The following DUS2 variants were observed in gnomAD, a reference collection of about 807,000 sequenced individuals.
DUS2 encodes dihydrouridine synthase 2.
Under a neutral mutation model 71.3 loss-of-function variants are expected in DUS2, and 52 were observed. The observed-to-expected ratio is 0.73, with a 90% CI of 0.58 to 0.92. DUS2 has a LOEUF of 0.92. Ranked by LOEUF, DUS2 falls within the 40% of genes least tolerant of loss-of-function variation. The pLI is 0.00. For missense variants in DUS2, 558 were observed against 622.6 expected (o/e 0.90, Z 1.10); for synonymous variants, 204 against 227.8 (o/e 0.90, Z 0.94).
chr16:68,038,191 C>G, intron 3 of DUS2, 42 bp downstream of exon 3: 1 of 1,608,744 alleles, frequency 6.2e-7, no homozygotes, highest in Non-Finnish European at 8.5e-7. Context: ...TCCACAAGTA[C>G]AGACTCCTCT....
intron 3 of DUS2, among the ~76,000 whole-genome samples, chr16:68,045,443 T>TAA (rs965427822): frequency 6.7e-6 from 1 of 149,552 alleles, no homozygotes; most frequent in Admixed American, 6.7e-5. Flanking sequence ...CCATCTCTAT[T>TAA]AAAAAAAAAT....
At chr16:68,062,491 G>A (rs1054058134) in intron 8 of DUS2, among the ~76,000 whole-genome samples, 28 of 151,594 alleles carry the variant, frequency 1.8e-4, no homozygotes, top group African/African-American at 6.1e-4. Flanking sequence ...AGGCTGAGGC[G>A]GGCAGATCAC....
chr16:68,066,876 A>T (rs1201871957), intron 10 of DUS2, among the ~76,000 whole-genome samples: 1 of 152,118 alleles, frequency 6.6e-6, no homozygotes, highest in African/African-American at 2.4e-5. Context: ...AGGTTTAGAG[A>T]CACAGAGAGA....
chr16:68,024,493 A>G (rs1396872385), intron 1 of DUS2, among the ~76,000 whole-genome samples: 1 of 152,020 alleles, frequency 6.6e-6, no homozygotes, highest in Non-Finnish European at 1.5e-5. Flanking sequence ...TTATGGATTA[A>G]CTCTCTGGGA....
intron 8 of DUS2, among the ~76,000 whole-genome samples, chr16:68,063,645 C>G (rs1483273123): frequency 6.6e-6 from 1 of 152,142 alleles, no homozygotes; most frequent in African/African-American, 2.4e-5. Flanking sequence ...ATATCAATCT[C>G]TTTGAGAAAG....
intron 6 of DUS2, among the ~76,000 whole-genome samples, chr16:68,055,889 G>A (rs147982642): frequency 3.8e-4 from 58 of 151,010 alleles, no homozygotes; most frequent in African/African-American, 1.4e-3. Flanking sequence ...ACCAGAGGAC[G>A]GAGTGAGGAT....
At chr16:68,075,636 G>A (rs887416261) in intron 14 of DUS2, 132 bp downstream of exon 14, 25 of 970,278 alleles carry the variant, frequency 2.6e-5, no homozygotes, top group African/African-American at 5.0e-5. Flanking sequence ...TTGGAAACTC[G>A]TTCTAAATTT....
Position 68,054,615 on chromosome 16 carries a change from T to C in DUS2, c.306T>C (p.Leu102=). Residue 102 remains leucine (L), a splice_region_variant and synonymous_variant, in exon 6 of 17, where the codon CTT becomes CTC. Transcript: ENST00000565263. ...AGCGAGCCCTTGCTGTGGCCAGGCT[T>C]GTGTAAGTTCATCCTCTGTCTTTAG... ...DAERALAVAR[L]VENDVAGIDV... 1 of 1,614,146 alleles carries C rather than the reference T, an allele frequency of 6.2e-7. No homozygotes were observed. The highest frequency in any genetic ancestry group is 8.5e-7 in the Non-Finnish European group (1 of 1,180,028).
intron 8 of DUS2, among the ~76,000 whole-genome samples, chr16:68,064,939 T>G (rs1251369121): frequency 6.6e-6 from 1 of 152,148 alleles, no homozygotes; most frequent in Non-Finnish European, 1.5e-5. Flanking sequence ...CACCTAGATA[T>G]CCCCCTGCTC....
intron 2 of DUS2, among the ~76,000 whole-genome samples, chr16:68,033,942 A>AT (rs1231940166): frequency 6.6e-6 from 1 of 151,706 alleles, no homozygotes; most frequent in Non-Finnish European, 1.5e-5. Flanking sequence ...CAATTTTTGC[A>AT]TTTTTTGTAG....
intron 7 of DUS2, among the ~76,000 whole-genome samples, chr16:68,060,220 G>A (rs2033919910): frequency 6.6e-6 from 1 of 152,172 alleles, no homozygotes; most frequent in Admixed American, 6.6e-5. Flanking sequence ...TGAGACCTGG[G>A]TTAGGGAGTG....
chr16:68,060,014 T>C (rs2033917588), intron 7 of DUS2, among the ~76,000 whole-genome samples: 1 of 152,122 alleles, frequency 6.6e-6, no homozygotes, highest in African/African-American at 2.4e-5. Flanking sequence ...GCTGGGACAT[T>C]GTTGCTGGCA....
At chr16:68,045,541 G>A (rs2151417133) in intron 3 of DUS2, among the ~76,000 whole-genome samples, 1 of 151,568 alleles carries the variant, frequency 6.6e-6, no homozygotes, top group African/African-American at 2.4e-5. Context: ...AACCCAGGAG[G>A]TGGAGGTTGC....
chr16:68,068,752 C>CTTT (rs1160464857), intron 10 of DUS2, among the ~76,000 whole-genome samples: 3 of 112,164 alleles, frequency 2.7e-5, no homozygotes, highest in Non-Finnish European at 3.8e-5. Flanking sequence ...CCATGCCTGG[C>CTTT]TTTTTTTTTT....
intron 6 of DUS2, 40 bp from the exon 7 acceptor site, chr16:68,056,324 A>T (rs1210607915): frequency 6.3e-7 from 1 of 1,584,510 alleles, no homozygotes; most frequent in East Asian, 2.2e-5. Context: ...CTTTGCTCTA[A>T]TTCAATACTT....
intron 12 of DUS2, among the ~76,000 whole-genome samples, chr16:68,073,107 C>T (rs2034110098): frequency 6.6e-6 from 1 of 152,104 alleles, no homozygotes; most frequent in Non-Finnish European, 1.5e-5. Context: ...GCAGTAGGTC[C>T]TCTGTGGTGG....
At chr16:68,068,814 G>C (rs1423422840) in intron 10 of DUS2, among the ~76,000 whole-genome samples, 2 of 147,694 alleles carry the variant, frequency 1.4e-5, no homozygotes, top group Non-Finnish European at 3.0e-5. Context: ...TGGCCAGGCT[G>C]GTCTCAAACT....
intron 7 of DUS2, among the ~76,000 whole-genome samples, chr16:68,060,325 T>TTTGTTTGAGATGGAGTCTTGC (rs2033921298): frequency 6.6e-6 from 1 of 152,130 alleles, no homozygotes; most frequent in South Asian, 2.1e-4. Context: ...TGTTTGTTTG[T>TTTGTTTGAGATGGAGTCTTGC]TTGTTTGAGA....
At position 68,070,194 on chromosome 16, in the gene DUS2, T is replaced by A. The variant is rs559364311; in HGVS notation, c.615T>A (p.Asp205Glu). 5.7e-4 allele frequency: 919 copies of A among 1,614,150 alleles called. 10 individuals carry two copies. The South Asian group carries it at 9.2e-3, about 16-fold the overall frequency. ...VSCEVIKAIA[D>E]TLSIPVIANG... The stretch of plus-strand genomic sequence containing the variant: ...GTGAAGTCATCAAAGCCATTGCTGA[T>A]ACCCTCTCCATTCCTGTCATAGCCA... The change falls in exon 11 of 17, where the codon GAT becomes GAA. Residue 205 changes from aspartate to glutamate, a missense_variant. Asp to Glu is a conservative substitution (Grantham distance 45). Coordinates refer to ENST00000565263, the MANE Select transcript of DUS2 (RefSeq NM_017803.5).
Sources: gnomAD v4.1 joint callset for allele counts (sites outside exome capture counted in the v4.1 genomes callset) on GRCh38, gnomAD v4.1.1 for gene constraint, MANE v1.5 for transcripts, NCBI Gene and HGNC (gene_info 2026-07-23, HGNC 2026-07-21) for gene names.